PFKFB3: variants seen among roughly 807,000 people sequenced by gnomAD.
The protein encoded by PFKFB3 is 6-phosphofructo-2-kinase/fructose-2,6-biphosphatase 3, also known as 6-phosphofructo-2-kinase/fructose-2,6-bisphosphatase 3.
PFKFB3 carries 33 observed loss-of-function variants against 68.0 expected under a neutral mutation model. The observed-to-expected ratio is 0.49, with a 90% CI of 0.37 to 0.65. The LOEUF (loss-of-function observed/expected upper bound fraction) is 0.65, where lower values mean the gene tolerates loss of function less well. PFKFB3 is among the 30% of genes least tolerant of loss of function. The pLI is 0.00. For missense variants in PFKFB3, 586 were observed against 712.2 expected, an observed-to-expected ratio of 0.82 and a Z score of 2.02; for synonymous variants, 315 against 288.2, an observed-to-expected ratio of 1.09 and a Z score of -0.94.
At chr10:6,195,174 TG>T (rs1564610928) in intron 1 of PFKFB3, among the ~76,000 whole-genome samples, 1 of 152,168 alleles carries the variant, frequency 6.6e-6, no homozygotes, top group Non-Finnish European at 1.5e-5. Flanking sequence ...GCTCGCCTCC[TG>T]TTCCTTTTTC....
intron 1 of PFKFB3, among the ~76,000 whole-genome samples, chr10:6,158,201 A>G (rs1184015626): frequency 6.6e-6 from 1 of 152,026 alleles, no homozygotes. Flanking sequence ...AGGCAGGAGA[A>G]TGGTGTGAAC....
intron 1 of PFKFB3, among the ~76,000 whole-genome samples, chr10:6,156,729 G>A (rs947992188): frequency 6.3e-4 from 94 of 150,034 alleles, no homozygotes; most frequent in African/African-American, 2.2e-3. Flanking sequence ...CTCGTGATCC[G>A]CCCACCTTGG....
At position 6,232,946 on chromosome 10, in the gene PFKFB3, A is replaced by G. The variant is rs1212070764; in HGVS notation, c.*4A>G. On this transcript the variant is annotated 3_prime_UTR_variant, in exon 15 of 15. Transcript: ENST00000379775. ...TGACTCCTCCAGGAAACACTGAGGCAGACGTGTCGGTTCCATTCCATTTCC... is the reference window on the plus strand; with the variant it reads ...TGACTCCTCCAGGAAACACTGAGGCGGACGTGTCGGTTCCATTCCATTTCC... The G allele has an allele frequency of 3.1e-6, 5 of 1,609,748 alleles. No individual in the cohort carries two copies. The South Asian group carries it at 3.3e-5, about 11-fold the overall frequency.
chr10:6,205,303 A>G lies in PFKFB3; in HGVS notation c.76+1967A>G, dbSNP rs12259988. Among the ~76,000 whole-genome samples the G allele has an allele frequency of 3.0e-3, 452 of 151,784 alleles. 5 individuals are homozygous for G. The highest frequency in any genetic ancestry group is 0.011 in the African/African-American group (438 of 41,364). ...AACTCTTACTGGAATGGAGGGAAGA[A>G]GGTGTTTCTATTTGGTATCTTTCCT... On this transcript the variant is annotated intron_variant, in intron 1 of 14. Transcript: ENST00000379775.
chr10:6,193,353 T>C (rs1843083440), intron 1 of PFKFB3, among the ~76,000 whole-genome samples: 1 of 152,134 alleles, frequency 6.6e-6, no homozygotes, highest in African/African-American at 2.4e-5. Flanking sequence ...AGACCCTGTC[T>C]CAAAAAAACA....
chr10:6,164,824 T>G (rs1842079252), intron 1 of PFKFB3, among the ~76,000 whole-genome samples: 1 of 152,116 alleles, frequency 6.6e-6, no homozygotes, highest in Non-Finnish European at 1.5e-5. Flanking sequence ...CTCAGACATC[T>G]CAGTGTAGCA....
chr10:6,211,683 G>A (rs917712660), intron 1 of PFKFB3, among the ~76,000 whole-genome samples: 4 of 152,218 alleles, frequency 2.6e-5, no homozygotes, highest in East Asian at 1.9e-4. Context: ...CAGGATGCCC[G>A]GCTCACCCTG....
At chr10:6,275,088 G>A in the PFKFB3 span, among the ~76,000 whole-genome samples, 4 of 152,174 alleles carry the variant, frequency 2.6e-5, no homozygotes, top group Non-Finnish European at 5.9e-5. This position sits in a 1 kb window ranked among gnomAD's most constrained non-coding sequence, Gnocchi z 4.9. Flanking sequence ...GTGGTTAGGC[G>A]ACTCTGGGTG....
chr10:6,302,788 A>G, the PFKFB3 span, among the ~76,000 whole-genome samples: 9 of 120,548 alleles, frequency 7.5e-5, no homozygotes, highest in Non-Finnish European at 1.9e-4. Context: ...ACATATACAC[A>G]TACACATATA....
chr10:6,310,146 C>T, the PFKFB3 span, among the ~76,000 whole-genome samples: 4 of 152,040 alleles, frequency 2.6e-5, no homozygotes, highest in South Asian at 2.1e-4. Flanking sequence ...GGTTCTTGGC[C>T]GGTGTAGACA....
intron 1 of PFKFB3, among the ~76,000 whole-genome samples, chr10:6,211,827 A>G (rs1193179110): frequency 6.6e-6 from 1 of 152,192 alleles, no homozygotes; most frequent in Admixed American, 6.5e-5. Context: ...GCCTGCTGAG[A>G]AGGCCACTAA....
intron 1 of PFKFB3, among the ~76,000 whole-genome samples, chr10:6,178,472 G>A (rs964832664): frequency 1.3e-5 from 2 of 152,206 alleles, no homozygotes; most frequent in Non-Finnish European, 2.9e-5. Flanking sequence ...AAGCTCAGGC[G>A]GGAGCTTTGG....
chr10:6,212,294 G>A (rs375996724), intron 1 of PFKFB3, among the ~76,000 whole-genome samples: 4 of 152,364 alleles, frequency 2.6e-5, no homozygotes, highest in South Asian at 4.1e-4. Context: ...GGAGATACTG[G>A]GCCCTCGGCT....
chr10:6,254,805 GTTCTTTTTT>G (rs1846464847), downstream of PFKFB3, among the ~76,000 whole-genome samples: 1 of 40,654 alleles, frequency 2.5e-5, no homozygotes, highest in Non-Finnish European at 5.5e-5. Flanking sequence ...ATTTTTTTCT[GTTCTTTTTT>G]TTTTTTTTTT....
chr10:6,311,622 G>A, the PFKFB3 span, among the ~76,000 whole-genome samples: 11 of 152,102 alleles, frequency 7.2e-5, no homozygotes, highest in South Asian at 4.2e-4. Context: ...GGTGGCGGGC[G>A]CCTGTAATCC....
chr10:6,184,231 T>G (rs938547503), intron 1 of PFKFB3, among the ~76,000 whole-genome samples: 2 of 151,912 alleles, frequency 1.3e-5, no homozygotes, highest in African/African-American at 4.8e-5. Flanking sequence ...TTTTGTATTT[T>G]TAGTAGAGAC....
At chr10:6,292,986 C>T in the PFKFB3 span, 1 of 230,048 alleles carries the variant, frequency 4.3e-6, no homozygotes, top group Non-Finnish European at 8.7e-6. Context: ...GAAAGATCCT[C>T]ATGCAGCGTA....
At chr10:6,223,155 G>A (rs1845085600) in intron 11 of PFKFB3, among the ~76,000 whole-genome samples, 171 bp downstream of exon 11, 1 of 152,174 alleles carries the variant, frequency 6.6e-6, no homozygotes, top group East Asian at 1.9e-4. Context: ...TCTCTGTCCA[G>A]CGCTTCCTTG....
At chr10:6,168,903 C>T (rs139198558) in intron 1 of PFKFB3, among the ~76,000 whole-genome samples, 11 of 152,326 alleles carry the variant, frequency 7.2e-5, no homozygotes, top group African/African-American at 2.6e-4. Flanking sequence ...AGTGGTCCTT[C>T]GTTGAATGCC....
Sources: allele counts gnomAD v4.1 joint callset (sites outside exome capture counted in the v4.1 genomes callset), GRCh38; gene constraint gnomAD v4.1.1; non-coding constraint Gnocchi (gnomAD v3.1); transcripts MANE v1.5; gene names NCBI Gene and HGNC (gene_info 2026-07-23, HGNC 2026-07-21).